FLYWCH1: variants seen among roughly 807,000 people sequenced by gnomAD.
FLYWCH1 encodes FLYWCH-type zinc finger-containing protein 1.
FLYWCH1 carries 75 observed loss-of-function variants against 66.4 expected under a neutral mutation model. That is an observed-to-expected ratio of 1.13 (90% CI 0.94 to 1.37). FLYWCH1 has a LOEUF of 1.37. FLYWCH1 is among the 40% of genes most tolerant of loss of function. The pLI is 0.00. For synonymous variants in FLYWCH1, 595 were observed against 429.9 expected, an observed-to-expected ratio of 1.38 and a Z score of -4.75; for missense variants, 1,334 against 1,001.8, an observed-to-expected ratio of 1.33 and a Z score of -4.48.
Position 2,930,399 on chromosome 16 carries a change from C to A in FLYWCH1, c.326-11C>A. On this transcript the variant is annotated splice_polypyrimidine_tract_variant and intron_variant, in intron 3 of 9. Coordinates refer to ENST00000253928, the MANE Select transcript of FLYWCH1 (RefSeq NM_001308068.2). ...TCTAGCTTAGCTAACCTAGCCTTCCCGTTCCCCCAGCAGCCCCTCAGTCCC... is the reference window on the plus strand; with the variant it reads ...TCTAGCTTAGCTAACCTAGCCTTCCAGTTCCCCCAGCAGCCCCTCAGTCCC... 7.0e-7 allele frequency: 1 copy of A among 1,436,302 alleles called. No individual in the cohort carries two copies. The highest frequency in any genetic ancestry group is 9.2e-7 in the Non-Finnish European group (1 of 1,088,338). The allele number at this position is 1,436,302 out of a possible 1,614,324, so 89.0% of individuals were successfully genotyped here. A position where few individuals can be genotyped will look rare whatever the true frequency, so the allele number is the denominator to read the frequency against.
chr16:2,939,628 G>A (rs1342702528), intron 8 of FLYWCH1: 3 of 182,712 alleles, frequency 1.6e-5, no homozygotes, highest in Middle Eastern at 2.5e-3. Flanking sequence ...GATCACTCTA[G>A]CCCGGGAGGT....
At chr16:2,937,069 C>T in intron 6 of FLYWCH1, 52 bp from the exon 7 acceptor site, 1 of 1,260,318 alleles carries the variant, frequency 7.9e-7, no homozygotes, top group African/African-American at 2.3e-5. Context: ...CCATGCTGAT[C>T]TGGGCTCTGA....
At chr16:2,939,188 G>A (rs997302349) in intron 8 of FLYWCH1, among the ~76,000 whole-genome samples, 11 of 152,096 alleles carry the variant, frequency 7.2e-5, no homozygotes, top group Non-Finnish European at 1.2e-4. Flanking sequence ...GCTCACGCCT[G>A]TAATCCCAGC....
chr16:2,940,997 G>C (rs960965422), intron 9 of FLYWCH1, among the ~76,000 whole-genome samples: 1 of 152,212 alleles, frequency 6.6e-6, no homozygotes, highest in Non-Finnish European at 1.5e-5. Context: ...CAGGCATGGT[G>C]GTACATGCAT....
intron 4 of FLYWCH1, 33 bp from the exon 5 acceptor site, chr16:2,933,097 C>G (rs569152055): frequency 1.3e-6 from 2 of 1,588,910 alleles, no homozygotes; most frequent in Non-Finnish European, 1.7e-6. Context: ...CTCTCCACCC[C>G]TGGTGATGTG....
rs35169451 is a variant in FLYWCH1 at position 2,938,607 on chromosome 16, GTTTTTTTTTT to G, written c.2050+165_2050+174del. Among the ~76,000 whole-genome samples, 12 of 129,192 alleles carry G rather than the reference GTTTTTTTTTT, an allele frequency of 9.3e-5. No individual in the cohort carries two copies. In the East Asian group the frequency reaches 2.5e-3, roughly 27 times the overall value. 84.8% of individuals were successfully genotyped at this position (129,192 alleles called of 152,430 possible). On this transcript the variant is annotated intron_variant, in intron 8 of 9. Transcript: ENST00000253928. ...TAAACAGAATGTGAAACCAGTCTTT[GTTTTTTTTTT>G]TTTTTTTTTTTTTGAGACTGAGTCT...
intron 2 of FLYWCH1, among the ~76,000 whole-genome samples, chr16:2,925,892 G>A (rs1468748735): frequency 3.3e-5 from 5 of 152,236 alleles, no homozygotes; most frequent in Admixed American, 6.5e-5. Flanking sequence ...CCAGGCCAGG[G>A]AACTTTGGAT....
rs1442043730 is a variant in FLYWCH1, at chr16:2,933,943, G to A, written c.1477G>A (p.Glu493Lys). 6.4e-7 allele frequency: 1 copy of A among 1,562,322 alleles called. No individual in the cohort carries two copies. The highest frequency in any genetic ancestry group is 8.7e-7 in the Non-Finnish European group (1 of 1,153,634). The change falls in exon 6 of 10, where the codon GAG becomes AAG. Residue 493 changes from glutamate to lysine, a missense_variant. Coordinates refer to ENST00000253928, the MANE Select transcript of FLYWCH1 (RefSeq NM_001308068.2). Reference sequence around the variant, plus strand: ...AGGCCTGGAGGCCCTGAGGCAGCGGGAGAAACGCCCCAACACGGCGCAGCG... The same window carrying A: ...AGGCCTGGAGGCCCTGAGGCAGCGGAAGAAACGCCCCAACACGGCGCAGCG... ...LGGLEALRQR[E>K]KRPNTAQRGS...
In FLYWCH1 at chr16:2,938,282, A is replaced by G. The variant is rs993543593; in HGVS notation, c.1876A>G (p.Lys626Glu). ...LYRKEKAAGE[K>E]VYWMCRDQAR... is the part of the protein sequence containing the mutation. ...CAGGAAGGAGAAGGCGGCTGGGGAG[A>G]AGGTGTACTGGATGTGCCGGGACCA... The change falls in exon 8 of 10, where the codon AAG becomes GAG. Residue 626 changes from lysine (K) to glutamate (E), a missense_variant. Coordinates refer to ENST00000253928, the MANE Select transcript of FLYWCH1 (RefSeq NM_001308068.2). 21 of 1,612,592 alleles carry G rather than the reference A, an allele frequency of 1.3e-5. No homozygotes were observed. The highest frequency in any genetic ancestry group is 1.6e-5 in the Non-Finnish European group (19 of 1,179,420).
intron 8 of FLYWCH1, 180 bp from the exon 9 acceptor site, chr16:2,939,852 C>A: frequency 1.7e-6 from 1 of 593,462 alleles, no homozygotes; most frequent in Non-Finnish European, 2.8e-6. Context: ...CTCTTAGGAG[C>A]TCAAGTAGCT....
At chr16:2,913,683 A>G (rs1229307358) in intron 1 of FLYWCH1, among the ~76,000 whole-genome samples, 1 of 152,068 alleles carries the variant, frequency 6.6e-6, no homozygotes, top group Admixed American at 6.5e-5. Flanking sequence ...GTAAATTTTA[A>G]TTATCTGGGC....
At chr16:2,938,085 A>T in intron 7 of FLYWCH1, 99 bp from the exon 8 acceptor site, 1 of 1,230,592 alleles carries the variant, frequency 8.1e-7, no homozygotes, top group Non-Finnish European at 1.1e-6. Context: ...AGGGGATCGC[A>T]GATTCCTGGT....
intron 2 of FLYWCH1, among the ~76,000 whole-genome samples, chr16:2,914,732 A>G (rs1270407641): frequency 6.6e-6 from 1 of 151,848 alleles, no homozygotes; most frequent in Non-Finnish European, 1.5e-5. Flanking sequence ...AACCCTGTCT[A>G]TACTAAAAAT....
chr16:2,948,750 C>T lies in FLYWCH1; in HGVS notation c.*23C>T, dbSNP rs367651926. On this transcript the variant is annotated 3_prime_UTR_variant, in exon 10 of 10. Transcript: ENST00000253928. Reference sequence around the variant, plus strand: ...TGAGGCGATGTGGGCAGAGGAGCTCCGAGCCGCCCACCCAAGGTGGCTTCA... The same window carrying T: ...TGAGGCGATGTGGGCAGAGGAGCTCTGAGCCGCCCACCCAAGGTGGCTTCA... 253 of 1,613,328 alleles carry T rather than the reference C, an allele frequency of 1.6e-4. No homozygotes were observed. The highest frequency in any genetic ancestry group is 4.0e-4 in the Admixed American group (24 of 60,006).
rs372295012 is a variant in FLYWCH1 at position 2,933,382 on chromosome 16, C to T, written c.1049C>T (p.Thr350Met). 1.1e-4 allele frequency: 184 copies of T among 1,602,806 alleles called. No homozygotes were observed. The highest frequency in any genetic ancestry group is 6.9e-4 in the Admixed American group (40 of 58,112). ...CGGCAGCAGGAGAAGGCCGTGGAGA[C>T]GCTGCAGGCTGGGCAGGACGGCCCT... ...ARRQQEKAVETLQAGQDGPGS... is the reference protein window; with the variant it reads ...ARRQQEKAVEMLQAGQDGPGS... Residue 350 changes from threonine to methionine, a missense_variant, in exon 5 of 10, where the codon ACG becomes ATG. Transcript: ENST00000253928.
chr16:2,919,986 A>G (rs1304742477), intron 2 of FLYWCH1, among the ~76,000 whole-genome samples: 1 of 152,168 alleles, frequency 6.6e-6, no homozygotes, highest in Non-Finnish European at 1.5e-5. Flanking sequence ...AGGGGGATAC[A>G]GTAGCAGACA....
chr16:2,916,987 A>AT (rs1567318313), intron 2 of FLYWCH1, among the ~76,000 whole-genome samples: 1 of 149,440 alleles, frequency 6.7e-6, no homozygotes, highest in Non-Finnish European at 1.5e-5. Context: ...TAGTAAAAAA[A>AT]AAAAAAAAAA....
chr16:2,929,563 G>C, intron 2 of FLYWCH1, 50 bp from the exon 3 acceptor site: 2 of 1,283,522 alleles, frequency 1.6e-6, no homozygotes, highest in South Asian at 1.5e-5. Context: ...TCCACGTCTA[G>C]AGTCCCCCAA....
chr16:2,935,959 G>C (rs2150975917), intron 6 of FLYWCH1: 1 of 155,204 alleles, frequency 6.4e-6, no homozygotes, highest in East Asian at 1.9e-4. Flanking sequence ...GCCCAGGCTG[G>C]AGTGTAGTGG....
Sources: gnomAD v4.1 joint callset for allele counts (sites outside exome capture counted in the v4.1 genomes callset) on GRCh38, gnomAD v4.1.1 for gene constraint, MANE v1.5 for transcripts, NCBI Gene and HGNC (gene_info 2026-07-23, HGNC 2026-07-21) for gene names.